WSCD2: variants seen among roughly 807,000 people sequenced by gnomAD.
WSCD2 encodes WSC domain sialate O sulfotransferase 2.
Under a neutral mutation model 55.7 loss-of-function variants are expected in WSCD2, and 28 were observed. That is an observed-to-expected ratio of 0.50 (90% CI 0.37 to 0.69). The LOEUF is 0.69. WSCD2 is among the 30% of genes least tolerant of loss of function. The pLI is 0.00. For synonymous variants in WSCD2, 301 were observed against 301.9 expected (o/e 1.00, Z 0.03); for missense variants, 616 against 762.1 (o/e 0.81, Z 2.26).
At position 108,221,423 on chromosome 12, in the gene WSCD2, GT is replaced by G. The variant is rs1245023367; in HGVS notation, c.683-3315del. ...TACAAAAATTGAGCTGGGTGTGGTGGTGCACATCTTTAATCCCAGGTACTCA... is the reference window on the plus strand; with the variant it reads ...TACAAAAATTGAGCTGGGTGTGGTGGGCACATCTTTAATCCCAGGTACTCA... On this transcript the variant is annotated intron_variant, in intron 4 of 8. Transcript: ENST00000547525. 3.3e-5 allele frequency among the ~76,000 whole-genome samples: 5 copies of G among 152,254 alleles called. No homozygotes were observed. In the South Asian group the frequency reaches 1.0e-3, roughly 32 times the overall value.
chr12:108,205,912 G>T (rs1885302793), intron 2 of WSCD2, among the ~76,000 whole-genome samples: 1 of 152,202 alleles, frequency 6.6e-6, no homozygotes, highest in Admixed American at 6.5e-5. Flanking sequence ...TTTTAAGGCA[G>T]CTTGTAGAGA....
intron 4 of WSCD2, among the ~76,000 whole-genome samples, chr12:108,220,375 C>T (rs1299547051): frequency 6.6e-6 from 1 of 152,214 alleles, no homozygotes; most frequent in African/African-American, 2.4e-5. Context: ...CAGTTTCAGT[C>T]CTCTGAGCCT....
intron 8 of WSCD2, among the ~76,000 whole-genome samples, chr12:108,245,668 G>C (rs1049351039): frequency 1.3e-5 from 2 of 152,204 alleles, no homozygotes; most frequent in Non-Finnish European, 2.9e-5. Flanking sequence ...TCCCCTGAGA[G>C]TAGCAGCTGT....
intron 4 of WSCD2, among the ~76,000 whole-genome samples, chr12:108,217,738 A>T (rs975291072): frequency 2.0e-5 from 3 of 151,976 alleles, no homozygotes; most frequent in Admixed American, 1.3e-4. Context: ...TATCCCCCTC[A>T]CTGCACCCCC....
Position 108,220,537 on chromosome 12 carries a change from C to T in WSCD2, c.683-4202C>T, listed in dbSNP as rs555802466. Among the ~76,000 whole-genome samples, 104 of 152,192 alleles carry T rather than the reference C, an allele frequency of 6.8e-4. 2 individuals carry two copies. In the South Asian group the frequency reaches 0.021, roughly 30 times the overall value. ...AGCAATAATGATCACAACAATATTA[C>T]GATTTTTTTAAAGACAAGGTCCCAC... On this transcript the variant is annotated intron_variant, in intron 4 of 8. Coordinates refer to ENST00000547525, the MANE Select transcript of WSCD2 (RefSeq NM_014653.4).
intron 5 of WSCD2, among the ~76,000 whole-genome samples, chr12:108,226,391 A>G (rs926804901): frequency 3.3e-5 from 5 of 152,154 alleles, no homozygotes; most frequent in African/African-American, 1.2e-4. Context: ...GGCTTAAAAG[A>G]GCAGACTCAG....
At chr12:108,236,918 C>T (rs570809802) in intron 7 of WSCD2, among the ~76,000 whole-genome samples, 1 of 152,124 alleles carries the variant, frequency 6.6e-6, no homozygotes, top group Non-Finnish European at 1.5e-5. Context: ...TCAAGCTCTG[C>T]GGTATGTGAG....
rs574437160 is a variant in WSCD2 at position 108,244,786 on chromosome 12, C to T, written c.1346-3205C>T. On this transcript the variant is annotated intron_variant, in intron 8 of 8. Transcript: ENST00000547525. ...AGCAGTAGGCAGCCTAGAAGTCATG[C>T]TTCCCTGGTCCTGGAGTGAAAAGAG... 2.0e-5 allele frequency among the ~76,000 whole-genome samples: 3 copies of T among 152,290 alleles called. No individual in the cohort carries two copies. In the East Asian group the frequency reaches 5.8e-4, roughly 29 times the overall value.
Position 108,188,351 on chromosome 12 carries a change from G to A in WSCD2, c.-551-6931G>A, listed in dbSNP as rs114961632. 6.6e-3 allele frequency among the ~76,000 whole-genome samples: 1,002 copies of A among 152,214 alleles called. 20 individuals carry two copies. Among genetic ancestry groups the A allele is most frequent in the African/African-American group, 0.023 (963 of 41,516 alleles). ...GTACATGCTTCCTGGTCAAAAAAGT[G>A]GGATTGTTGTGTCAAAGATTCTGCA... On this transcript the variant is annotated intron_variant, in intron 1 of 8. Transcript: ENST00000547525.
chr12:108,142,995 G>A (rs534239405), intron 1 of WSCD2, among the ~76,000 whole-genome samples: 4 of 152,226 alleles, frequency 2.6e-5, no homozygotes, highest in African/African-American at 7.2e-5. Context: ...AAAAATTTTT[G>A]CAGAGATGGA....
At chr12:108,207,448 C>T (rs755102828) in intron 3 of WSCD2, among the ~76,000 whole-genome samples, 9 of 151,496 alleles carry the variant, frequency 5.9e-5, no homozygotes, top group Non-Finnish European at 1.2e-4. Flanking sequence ...CGGCTCACTG[C>T]AACCTCCGCC....
At chr12:108,158,214 C>T (rs1878713395) in intron 1 of WSCD2, among the ~76,000 whole-genome samples, 1 of 152,160 alleles carries the variant, frequency 6.6e-6, no homozygotes, top group South Asian at 2.1e-4. Flanking sequence ...TGGAGCATGT[C>T]AGAGAACTGG....
At chr12:108,182,068 A>C (rs930689078) in intron 1 of WSCD2, among the ~76,000 whole-genome samples, 4 of 152,208 alleles carry the variant, frequency 2.6e-5, no homozygotes, top group Admixed American at 2.0e-4. Flanking sequence ...CTCATGCTCT[A>C]TCTCTTTCTT....
chr12:108,157,309 A>G (rs1199928626), intron 1 of WSCD2, among the ~76,000 whole-genome samples: 2 of 152,194 alleles, frequency 1.3e-5, no homozygotes, highest in East Asian at 1.9e-4. Context: ...GGCACAACCG[A>G]TGAACCAATA....
At chr12:108,240,634 C>T in intron 8 of WSCD2, 90 bp downstream of exon 8, 3 of 1,423,912 alleles carry the variant, frequency 2.1e-6, no homozygotes, top group Non-Finnish European at 2.8e-6. Context: ...CCAGCGTGAC[C>T]AGCAGGAGGC....
At position 108,187,466 on chromosome 12, in the gene WSCD2, C is replaced by T. The variant is rs527806377; in HGVS notation, c.-551-7816C>T. On this transcript the variant is annotated intron_variant, in intron 1 of 8. Coordinates refer to ENST00000547525, the MANE Select transcript of WSCD2 (RefSeq NM_014653.4). ...CAGGTTTAGCATACGGTTAAGAGTGCAGGCCCCAGAGCCAGGCTTCCTGGG... is the reference window on the plus strand; with the variant it reads ...CAGGTTTAGCATACGGTTAAGAGTGTAGGCCCCAGAGCCAGGCTTCCTGGG... 6.6e-5 allele frequency among the ~76,000 whole-genome samples: 10 copies of T among 152,348 alleles called. No homozygotes were observed. The East Asian group carries it at 1.7e-3, about 26-fold the overall frequency.
At chr12:108,148,523 A>T (rs779184531) in intron 1 of WSCD2, among the ~76,000 whole-genome samples, 1 of 152,100 alleles carries the variant, frequency 6.6e-6, no homozygotes, top group Non-Finnish European at 1.5e-5. Context: ...TAATAAATGG[A>T]ATTATCATTA....
intron 3 of WSCD2, among the ~76,000 whole-genome samples, chr12:108,209,642 C>G (rs1469137569): frequency 6.6e-6 from 1 of 151,908 alleles, no homozygotes; most frequent in East Asian, 1.9e-4. Context: ...CTCTAGGGGC[C>G]TCCCTGTATT....
At position 108,153,619 on chromosome 12, in the gene WSCD2, C is replaced by T. The variant is rs59318238; in HGVS notation, c.-552+23693C>T. Among the ~76,000 whole-genome samples, 820 of 152,302 alleles carry T rather than the reference C, an allele frequency of 5.4e-3. 41 individuals are homozygous for T. The East Asian group carries it at 0.12, about 23-fold the overall frequency. ...CCCCCAAGCCTGAAAAGGCAAAGTG[C>T]AGAAACCTAGAAAAATTAGCTCTAT... On this transcript the variant is annotated intron_variant, in intron 1 of 8. Transcript: ENST00000547525.
Sources: gnomAD v4.1 joint callset for allele counts (sites outside exome capture counted in the v4.1 genomes callset) on GRCh38, gnomAD v4.1.1 for gene constraint, MANE v1.5 for transcripts, NCBI Gene and HGNC (gene_info 2026-07-23, HGNC 2026-07-21) for gene names.